PRELID3A: variants seen among roughly 807,000 people sequenced by gnomAD.
The protein encoded by PRELID3A is PRELI domain containing 3A.
In PRELID3A, 27 loss-of-function variants were observed where a neutral mutation model predicts 23.0. That is an observed-to-expected ratio of 1.17 (90% CI 0.87 to 1.62). PRELID3A has a LOEUF of 1.62. Among genes scored for constraint, PRELID3A ranks in the 40% most tolerant of loss-of-function variants. The pLI is 0.00. For synonymous variants in PRELID3A, 87 were observed against 86.4 expected, an observed-to-expected ratio of 1.01 and a Z score of -0.04; for missense variants, 231 against 231.4, an observed-to-expected ratio of 1.00 and a Z score of 0.01.
At chr18:12,413,586 T>G (rs180878516) in intron 1 of PRELID3A, among the ~76,000 whole-genome samples, 192 of 152,040 alleles carry the variant, frequency 1.3e-3, no homozygotes, top group Admixed American at 3.4e-3. Flanking sequence ...TCACTTTATT[T>G]ATTTATTTTT....
intron 1 of PRELID3A, 41 bp from the exon 2 acceptor site, chr18:12,420,284 G>A (rs1402052567): frequency 6.4e-7 from 1 of 1,553,742 alleles, no homozygotes; most frequent in South Asian, 1.2e-5. Flanking sequence ...TGCGGCCCCG[G>A]CCCCGGCGCT....
At chr18:12,425,886 G>A (rs962979880) in intron 3 of PRELID3A, among the ~76,000 whole-genome samples, 9 of 152,056 alleles carry the variant, frequency 5.9e-5, no homozygotes, top group Non-Finnish European at 8.8e-5. Context: ...GATGCAGTGA[G>A]CCTTGATCAC....
intron 3 of PRELID3A, among the ~76,000 whole-genome samples, chr18:12,425,744 A>T (rs1229306854): frequency 6.6e-6 from 1 of 151,974 alleles, no homozygotes; most frequent in African/African-American, 2.4e-5. Context: ...GTTTGAGACC[A>T]GCCCGGGCAG....
At chr18:12,422,022 C>T (rs2030198353) in intron 3 of PRELID3A, among the ~76,000 whole-genome samples, 1 of 151,626 alleles carries the variant, frequency 6.6e-6, no homozygotes, top group African/African-American at 2.4e-5. Flanking sequence ...TCAGTGCAGC[C>T]TCGCACTCCT....
At chr18:12,418,941 C>T (rs1424283701) in intron 1 of PRELID3A, among the ~76,000 whole-genome samples, 2 of 152,184 alleles carry the variant, frequency 1.3e-5, no homozygotes, top group African/African-American at 4.8e-5. Context: ...ATAATTCCAG[C>T]ACTTTGGGAG....
intron 1 of PRELID3A, among the ~76,000 whole-genome samples, chr18:12,414,228 G>T (rs142953291): frequency 2.0e-5 from 3 of 152,136 alleles, no homozygotes; most frequent in African/African-American, 7.2e-5. Flanking sequence ...AGAGTACTCA[G>T]GGGTCAAGCA....
chr18:12,422,197 C>CT (rs562964007), intron 3 of PRELID3A: 65,156 of 130,854 alleles, frequency 0.5, 16,289 homozygotes, highest in Middle Eastern at 0.73. Flanking sequence ...TTTCAACGTG[C>CT]TTTTTTTTTT....
rs2030589803 is a variant in PRELID3A at position 12,431,286 on chromosome 18, C to T, written c.*170C>T. Reference sequence around the variant, plus strand: ...GGACTGATCGCGGGTCGCAGGTGACCCCGGGACCAGATGTCCCTCCCCTCA... The same window carrying T: ...GGACTGATCGCGGGTCGCAGGTGACTCCGGGACCAGATGTCCCTCCCCTCA... On this transcript the variant is annotated 3_prime_UTR_variant, in exon 7 of 7. Transcript: ENST00000440960. 1 of 152,252 alleles carries T rather than the reference C, an allele frequency of 6.6e-6. No homozygotes were observed. Among genetic ancestry groups the T allele is most frequent in the Non-Finnish European group, 1.5e-5 (1 of 68,130 alleles). The allele number at this position is 152,252 out of a possible 1,614,324, so 9.4% of individuals were successfully genotyped here.
chr18:12,418,212 G>A (rs764064400), intron 1 of PRELID3A, among the ~76,000 whole-genome samples: 1 of 152,194 alleles, frequency 6.6e-6, no homozygotes, highest in Non-Finnish European at 1.5e-5. Flanking sequence ...AATTAGATAT[G>A]TTGAAAGACT....
intron 2 of PRELID3A, 99 bp downstream of exon 2, chr18:12,420,592 T>C: frequency 1.7e-6 from 2 of 1,145,764 alleles, no homozygotes; most frequent in Non-Finnish European, 2.3e-6. Flanking sequence ...GTGCCTCTGC[T>C]GCTTTGGCTG....
intron 3 of PRELID3A, among the ~76,000 whole-genome samples, chr18:12,423,019 G>A (rs1041331624): frequency 2.6e-5 from 4 of 152,174 alleles, no homozygotes; most frequent in African/African-American, 4.8e-5. Context: ...CTCTGTCATC[G>A]CACGGTGGGC....
At chr18:12,420,840 G>A (rs2030155334) in intron 2 of PRELID3A, among the ~76,000 whole-genome samples, 1 of 150,704 alleles carries the variant, frequency 6.6e-6, no homozygotes, top group Admixed American at 6.6e-5. Context: ...CGGGGGTCGC[G>A]GGAGGCTCTG....
At chr18:12,421,313 A>G (rs1224870445) in intron 2 of PRELID3A, 3 of 527,642 alleles carry the variant, frequency 5.7e-6, no homozygotes, top group African/African-American at 3.9e-5. Context: ...TGCCGGGAGC[A>G]TAGTGCTGCT....
In PRELID3A at chr18:12,411,062, G is replaced by A. The variant is rs199573498; in HGVS notation, c.32+3055G>A. 9.2e-5 allele frequency among the ~76,000 whole-genome samples: 14 copies of A among 152,154 alleles called. No homozygotes were observed. The East Asian group carries it at 1.4e-3, about 15-fold the overall frequency. On this transcript the variant is annotated intron_variant, in intron 1 of 6. Coordinates refer to ENST00000440960, the MANE Select transcript of PRELID3A (RefSeq NM_001142405.2). ...TGTGTCCACATTGAGAAGAAACTCCGCCCCTGAGATCATCATAGCAGACAG... is the reference window on the plus strand; with the variant it reads ...TGTGTCCACATTGAGAAGAAACTCCACCCCTGAGATCATCATAGCAGACAG...
At chr18:12,421,728 G>T in intron 3 of PRELID3A, 99 bp downstream of exon 3, 1 of 751,396 alleles carries the variant, frequency 1.3e-6, no homozygotes, top group Non-Finnish European at 2.3e-6. Flanking sequence ...TTTGGTCTAG[G>T]TGTTGCTTAT....
At chr18:12,423,541 G>A (rs965148901) in intron 3 of PRELID3A, among the ~76,000 whole-genome samples, 1 of 152,214 alleles carries the variant, frequency 6.6e-6, no homozygotes, top group Non-Finnish European at 1.5e-5. Context: ...GCCCATGAGG[G>A]GCAGGTGTGA....
At chr18:12,430,634 T>C (rs1695636949) in intron 6 of PRELID3A, among the ~76,000 whole-genome samples, 1 of 150,196 alleles carries the variant, frequency 6.7e-6, no homozygotes, top group Non-Finnish European at 1.5e-5. Context: ...GTGATGTGTA[T>C]ATGTGTGTGG....
chr18:12,413,275 C>G (rs1012628240), intron 1 of PRELID3A, among the ~76,000 whole-genome samples: 1 of 152,096 alleles, frequency 6.6e-6, no homozygotes, highest in Non-Finnish European at 1.5e-5. Flanking sequence ...TATGTCTCTA[C>G]AAAAAATAAA....
At chr18:12,430,678 A>G (rs111219261) in intron 6 of PRELID3A, among the ~76,000 whole-genome samples, 2 of 149,580 alleles carry the variant, frequency 1.3e-5, no homozygotes, top group African/African-American at 2.5e-5. Flanking sequence ...TATGATGTGT[A>G]TGTGATTGGT....
Sources: gnomAD v4.1 joint callset for allele counts (sites outside exome capture counted in the v4.1 genomes callset) on GRCh38, gnomAD v4.1.1 for gene constraint, MANE v1.5 for transcripts, NCBI Gene and HGNC (gene_info 2026-07-23, HGNC 2026-07-21) for gene names.